Variants in EGLN1 observed in about 807,000 individuals in gnomAD.
The protein encoded by EGLN1 is egl-9 family hypoxia inducible factor 1, also known as egl nine homolog 1.
EGLN1 carries 17 observed loss-of-function variants against 38.3 expected under a neutral mutation model. That is an observed-to-expected ratio of 0.44 (90% CI 0.30 to 0.67). The LOEUF (loss-of-function observed/expected upper bound fraction) is 0.67. Among genes scored for constraint, EGLN1 ranks in the 30% least tolerant of loss-of-function variants. EGLN1 has a pLI of 0.08. For missense variants in EGLN1, 477 were observed against 603.3 expected (o/e 0.79, Z 2.19); for synonymous variants, 283 against 257.5 (o/e 1.10, Z -0.95).
At chr1:231,386,352 T>C (rs184993537) in intron 1 of EGLN1, among the ~76,000 whole-genome samples, 2 of 152,348 alleles carry the variant, frequency 1.3e-5, no homozygotes, top group Admixed American at 6.5e-5. Flanking sequence ...CAAATAATTT[T>C]ATCTAGTCTT....
At chr1:231,409,969 GAGC>G (rs1362971331) in intron 1 of EGLN1, among the ~76,000 whole-genome samples, 2 of 152,078 alleles carry the variant, frequency 1.3e-5, no homozygotes, top group Non-Finnish European at 2.9e-5. Flanking sequence ...GTGCTTCCAT[GAGC>G]GCATAAGATA....
intron 1 of EGLN1, among the ~76,000 whole-genome samples, chr1:231,377,530 G>T (rs540540726): frequency 6.6e-6 from 1 of 152,322 alleles, no homozygotes; most frequent in Admixed American, 6.5e-5. Context: ...GTAAGTAAAT[G>T]AATGGAGTCA....
rs1360022036 is a variant in EGLN1 at position 231,373,980 on chromosome 1, C to T, written c.1011G>A (p.Lys337=). The change falls in exon 2 of 5, where the codon AAG becomes AAA. Residue 337 remains lysine, a splice_region_variant and synonymous_variant. Coordinates refer to ENST00000366641, the MANE Select transcript of EGLN1 (RefSeq NM_022051.3). ...ATAAATGCTCAATTAAGTTGCATAC[C>T]TTGGCATCCCAGTCTTTATTAAGAT... is the stretch of plus-strand genomic sequence containing the variant. ...IYYLNKDWDA[K]VSGGILRIFP... is the part of the protein sequence containing the mutation. The T allele has an allele frequency of 1.2e-6, 2 of 1,613,528 alleles. No individual in the cohort carries two copies. Among genetic ancestry groups the T allele is most frequent in the Admixed American group, 1.7e-5 (1 of 59,984 alleles).
At chr1:231,380,113 C>T (rs1009366030) in intron 1 of EGLN1, among the ~76,000 whole-genome samples, 7 of 152,060 alleles carry the variant, frequency 4.6e-5, no homozygotes, top group Non-Finnish European at 8.8e-5. Context: ...GAGCCATCTT[C>T]GCATGGGATA....
At chr1:231,375,651 A>C (rs1448727562) in intron 1 of EGLN1, among the ~76,000 whole-genome samples, 1 of 152,180 alleles carries the variant, frequency 6.6e-6, no homozygotes, top group Non-Finnish European at 1.5e-5. Context: ...AGACTTAACA[A>C]GTTCCTTCTT....
At chr1:231,405,327 C>G (rs1167914799) in intron 1 of EGLN1, among the ~76,000 whole-genome samples, 1 of 151,946 alleles carries the variant, frequency 6.6e-6, no homozygotes, top group African/African-American at 2.4e-5. Context: ...CTACAGGTGC[C>G]CGCCACCATG....
Position 231,390,994 on chromosome 1 carries a change from C to A in EGLN1, c.892-16895G>T, listed in dbSNP as rs143756705. ...TCCTGAGTAGCTGGGACTACAGACGCAAGCCACCATGCCCGGCTAGTGTGC... is the reference window on the plus strand; with the variant it reads ...TCCTGAGTAGCTGGGACTACAGACGAAAGCCACCATGCCCGGCTAGTGTGC... On this transcript the variant is annotated intron_variant, in intron 1 of 4. Transcript: ENST00000366641. Among the ~76,000 whole-genome samples, 164 of 134,128 alleles carry A rather than the reference C, an allele frequency of 1.2e-3. 2 individuals carry two copies. The highest frequency in any genetic ancestry group is 4.1e-3 in the African/African-American group (158 of 38,454). 88.0% of individuals were successfully genotyped at this position (134,128 alleles called of 152,430 possible).
intron 1 of EGLN1, among the ~76,000 whole-genome samples, chr1:231,383,903 TGTACTTTAAACAA>T (rs1354667734): frequency 6.6e-6 from 1 of 152,178 alleles, no homozygotes; most frequent in Non-Finnish European, 1.5e-5. Context: ...TAAGAGATCC[TGTACTTTAAACAA>T]GCACTTCATT....
chr1:231,420,498 T>C (rs1364716428), intron 1 of EGLN1, among the ~76,000 whole-genome samples: 2 of 152,186 alleles, frequency 1.3e-5, no homozygotes, highest in Non-Finnish European at 2.9e-5. Context: ...TGTACCTTTT[T>C]GCGGTCAGCC....
At position 231,394,013 on chromosome 1, in the gene EGLN1, T is replaced by C. The variant is rs368509605; in HGVS notation, c.892-19914A>G. On this transcript the variant is annotated intron_variant, in intron 1 of 4. Coordinates refer to ENST00000366641, the MANE Select transcript of EGLN1 (RefSeq NM_022051.3). Reference sequence around the variant, plus strand: ...AACTTCAGGATATGTAGCCTTTTCATTGGCTTGCAAGGAGAACTCCAATCC... The same window carrying C: ...AACTTCAGGATATGTAGCCTTTTCACTGGCTTGCAAGGAGAACTCCAATCC... 8.3e-4 allele frequency among the ~76,000 whole-genome samples: 126 copies of C among 152,348 alleles called. 6 individuals are homozygous for C. The South Asian group carries it at 0.023, about 28-fold the overall frequency.
intron 1 of EGLN1, among the ~76,000 whole-genome samples, chr1:231,382,510 C>A (rs758165266): frequency 9.9e-5 from 15 of 152,154 alleles, no homozygotes; most frequent in Non-Finnish European, 1.9e-4. Context: ...GAAATTATGA[C>A]AGTATTAGAG....
chr1:231,380,332 AAAAGAATAAG>A (rs1688053533), intron 1 of EGLN1, among the ~76,000 whole-genome samples: 2 of 151,506 alleles, frequency 1.3e-5, no homozygotes, highest in Admixed American at 6.6e-5. Context: ...AAAAAAAAAA[AAAAGAATAAG>A]AACTCCTTAA....
chr1:231,397,190 C>A (rs1023253943), intron 1 of EGLN1, among the ~76,000 whole-genome samples: 2 of 152,206 alleles, frequency 1.3e-5, no homozygotes, highest in African/African-American at 4.8e-5. Context: ...AGTTACAGAT[C>A]TAAGAGGTTC....
chr1:231,385,191 T>C (rs1222879960), intron 1 of EGLN1, among the ~76,000 whole-genome samples: 1 of 152,162 alleles, frequency 6.6e-6, no homozygotes, highest in Non-Finnish European at 1.5e-5. Flanking sequence ...GAAAATGTAA[T>C]TACCATAAAC....
intron 1 of EGLN1, among the ~76,000 whole-genome samples, chr1:231,411,305 C>CTTAATTGTAAGT: frequency 6.6e-6 from 1 of 152,172 alleles, no homozygotes; most frequent in Non-Finnish European, 1.5e-5. Context: ...TCCCTTTTGC[C>CTTAATTGTAAGT]TTCTGCCATA....
intron 1 of EGLN1, among the ~76,000 whole-genome samples, chr1:231,397,410 C>T (rs1688557065): frequency 6.6e-6 from 1 of 152,228 alleles, no homozygotes; most frequent in Non-Finnish European, 1.5e-5. Flanking sequence ...TATCCCTTGG[C>T]ACAATGCCAC....
intron 1 of EGLN1, among the ~76,000 whole-genome samples, chr1:231,399,656 T>C (rs1402581325): frequency 6.6e-6 from 1 of 151,942 alleles, no homozygotes; most frequent in African/African-American, 2.4e-5. Context: ...ATTAGCTCAT[T>C]TACTTCTCTC....
intron 1 of EGLN1, among the ~76,000 whole-genome samples, chr1:231,402,610 T>C (rs1299256988): frequency 1.3e-5 from 2 of 152,020 alleles, no homozygotes; most frequent in African/African-American, 4.8e-5. Flanking sequence ...AATTTTTGTA[T>C]TTTTAGTAGA....
intron 1 of EGLN1, among the ~76,000 whole-genome samples, chr1:231,380,414 T>C (rs201096806): frequency 2.0e-5 from 3 of 151,810 alleles, no homozygotes; most frequent in African/African-American, 7.2e-5. Flanking sequence ...TTATTATAAA[T>C]GATTTCTGAC....
Sources: gnomAD v4.1 joint callset for allele counts (sites outside exome capture counted in the v4.1 genomes callset) on GRCh38, gnomAD v4.1.1 for gene constraint, MANE v1.5 for transcripts, NCBI Gene and HGNC (gene_info 2026-07-23, HGNC 2026-07-21) for gene names.